CCDC77: variants seen among roughly 807,000 people sequenced by gnomAD.
CCDC77 encodes the protein coiled-coil domain containing 77.
A neutral mutation model predicts 66.8 loss-of-function variants in CCDC77; 56 were observed. That is an observed-to-expected ratio of 0.84 (90% CI 0.68 to 1.05). The LOEUF (loss-of-function observed/expected upper bound fraction) is 1.05. Among genes scored for constraint, CCDC77 ranks in the 50% least tolerant of loss-of-function variants. The pLI, the probability that CCDC77 is intolerant of heterozygous loss-of-function variation, is 0.00. For synonymous variants in CCDC77, 196 were observed against 195.2 expected, an observed-to-expected ratio of 1.00 and a Z score of -0.03; for missense variants, 570 against 576.8, an observed-to-expected ratio of 0.99 and a Z score of 0.12.
chr12:415,414 A>T (rs1488331040), intron 4 of CCDC77, among the ~76,000 whole-genome samples: 8 of 22,372 alleles, frequency 3.6e-4, no homozygotes, highest in East Asian at 2.0e-3. Flanking sequence ...TAATATGTTG[A>T]TATTATTAAC....
chr12:391,178 G>A (rs1944749254), intron 1 of CCDC77, among the ~76,000 whole-genome samples: 1 of 152,216 alleles, frequency 6.6e-6, no homozygotes, highest in African/African-American at 2.4e-5. Flanking sequence ...ATGTCCAGGT[G>A]CAGTGGCTCA....
chr12:390,760 CAT>C (rs1944740830), intron 1 of CCDC77, among the ~76,000 whole-genome samples: 1 of 151,740 alleles, frequency 6.6e-6, no homozygotes, highest in Admixed American at 6.6e-5. Context: ...CACACACACA[CAT>C]CTTATTGGTT....
At chr12:393,371 C>A (rs960103117) in intron 1 of CCDC77, among the ~76,000 whole-genome samples, 1 of 152,170 alleles carries the variant, frequency 6.6e-6, no homozygotes, top group African/African-American at 2.4e-5. Flanking sequence ...CCTCGGCCCC[C>A]CAAAGTGCTG....
intron 4 of CCDC77, among the ~76,000 whole-genome samples, chr12:415,854 G>A (rs1945245789): frequency 1.3e-5 from 2 of 151,618 alleles, no homozygotes; most frequent in African/African-American, 4.9e-5. Flanking sequence ...CACCCAGGCT[G>A]GAGTGCAGTG....
intron 1 of CCDC77, among the ~76,000 whole-genome samples, chr12:392,472 G>A (rs1417719523): frequency 3.9e-5 from 6 of 152,090 alleles, no homozygotes; most frequent in Non-Finnish European, 8.8e-5. Context: ...GGCCAGGCAC[G>A]GTGGCTCATA....
intron 1 of CCDC77, among the ~76,000 whole-genome samples, chr12:404,287 G>T (rs912754635): frequency 6.6e-6 from 1 of 152,242 alleles, no homozygotes; most frequent in African/African-American, 2.4e-5. Context: ...CTGCACTCCA[G>T]CCTGGGCTGA....
chr12:430,154 TG>T (rs907655798), intron 6 of CCDC77, among the ~76,000 whole-genome samples: 2 of 151,942 alleles, frequency 1.3e-5, no homozygotes, highest in Non-Finnish European at 2.9e-5. Context: ...CCACCACGCC[TG>T]GCTAATTTTG....
chr12:416,344 GGTGTGTGTGTGT>G (rs1174833426), intron 4 of CCDC77, among the ~76,000 whole-genome samples: 1 of 37,092 alleles, frequency 2.7e-5, no homozygotes, highest in African/African-American at 9.2e-5. Context: ...GGTGTGTGGG[GGTGTGTGTGTGT>G]GTGTGTGTGT....
chr12:415,256 ATT>A, intron 4 of CCDC77, among the ~76,000 whole-genome samples: 5 of 149,638 alleles, frequency 3.3e-5, no homozygotes, highest in African/African-American at 1.2e-4. Context: ...AGTTGTTAAT[ATT>A]TATTAACATA....
chr12:440,054 G>A (rs1316358985), intron 10 of CCDC77, among the ~76,000 whole-genome samples: 11 of 152,180 alleles, frequency 7.2e-5, no homozygotes, highest in African/African-American at 2.7e-4. Context: ...CATCATGGTT[G>A]TAGAGGAATA....
At chr12:426,265 C>T (rs771031025) in intron 5 of CCDC77, among the ~76,000 whole-genome samples, 2 of 152,170 alleles carry the variant, frequency 1.3e-5, no homozygotes, top group Non-Finnish European at 2.9e-5. Flanking sequence ...TGTGAACTGC[C>T]TCTGGTCTTT....
chr12:415,329 T>C (rs1253902185), intron 4 of CCDC77, among the ~76,000 whole-genome samples: 1 of 90,496 alleles, frequency 1.1e-5, no homozygotes, highest in Non-Finnish European at 2.0e-5. Context: ...ATAATCAACA[T>C]AATATTATGT....
chr12:395,440 T>A (rs1342652898), intron 1 of CCDC77, among the ~76,000 whole-genome samples: 1 of 152,140 alleles, frequency 6.6e-6, no homozygotes, highest in African/African-American at 2.4e-5. Flanking sequence ...AAGGACAAAT[T>A]GCTAAATGAA....
chr12:441,945 A>G lies in CCDC77; in HGVS notation c.*25A>G. On this transcript the variant is annotated 3_prime_UTR_variant, in exon 13 of 13. Coordinates refer to ENST00000239830, the MANE Select transcript of CCDC77 (RefSeq NM_032358.4). ...ATGTCTACTTTTGGAAATGGCCCCC[A>G]TTTAGAAGAGGTGTGCTTCTTGAAA... is the stretch of plus-strand genomic sequence containing the variant. 6.2e-7 allele frequency: 1 copy of G among 1,612,966 alleles called. No homozygotes were observed. Among genetic ancestry groups the G allele is most frequent in the South Asian group, 1.1e-5 (1 of 90,990 alleles).
chr12:427,156 A>G (rs1461544575), intron 5 of CCDC77, among the ~76,000 whole-genome samples: 1 of 151,744 alleles, frequency 6.6e-6, no homozygotes, highest in Admixed American at 6.6e-5. Context: ...GAAGCAGGAG[A>G]ATTGCTTGAA....
intron 9 of CCDC77, among the ~76,000 whole-genome samples, chr12:437,566 G>C (rs769587383): frequency 6.6e-6 from 1 of 150,988 alleles, no homozygotes; most frequent in Non-Finnish European, 1.5e-5. Context: ...TAGGCCAGGT[G>C]CAGTGGTTCA....
chr12:411,759 C>T lies in CCDC77; in HGVS notation c.51C>T (p.Val17=), dbSNP rs1591966690. The T allele has an allele frequency of 6.2e-7, 1 of 1,613,402 alleles. No homozygotes were observed. ...TAATTTCACGTAGGCGAACAGTTGT[C>T]TCCAAACGTGGTGTTGCCGTCAGTG... is the stretch of plus-strand genomic sequence containing the variant. ...HTPVCRKRTV[V]SKRGVAVSGP... is the part of the protein sequence containing the mutation. The change falls in exon 4 of 13, where the codon GTC becomes GTT. Residue 17 remains valine (V), a synonymous_variant. Transcript: ENST00000239830.
At chr12:425,293 A>G (rs1215470785) in intron 5 of CCDC77, among the ~76,000 whole-genome samples, 4 of 137,034 alleles carry the variant, frequency 2.9e-5, no homozygotes, top group Admixed American at 2.1e-4. Context: ...ATCTACTAGC[A>G]TGGCAGAAGC....
At chr12:402,863 T>G (rs1322524299) in intron 1 of CCDC77, among the ~76,000 whole-genome samples, 1 of 152,174 alleles carries the variant, frequency 6.6e-6, no homozygotes, top group African/African-American at 2.4e-5. Context: ...AATGATGAAT[T>G]TAAGTTGCCA....
Sources: allele counts gnomAD v4.1 joint callset (sites outside exome capture counted in the v4.1 genomes callset), GRCh38; gene constraint gnomAD v4.1.1; transcripts MANE v1.5; gene names NCBI Gene and HGNC (gene_info 2026-07-23, HGNC 2026-07-21).